PRDM16: variants seen among roughly 807,000 people sequenced by gnomAD.
The protein encoded by PRDM16 is PR/SET domain 16, also known as histone-lysine N-methyltransferase PRDM16.
In PRDM16, 23 loss-of-function variants were observed where a neutral mutation model predicts 110.6. That is an observed-to-expected ratio of 0.21 (90% CI 0.15 to 0.29). The LOEUF (loss-of-function observed/expected upper bound fraction) is 0.29. Among genes scored for constraint, PRDM16 ranks in the 10% least tolerant of loss-of-function variants. The pLI, the probability that PRDM16 is intolerant of heterozygous loss-of-function variation, is 1.00. For missense variants in PRDM16, 1,615 were observed against 1,794.3 expected (o/e 0.90, Z 1.81); for synonymous variants, 799 against 781.8 (o/e 1.02, Z -0.37).
chr1:3,177,790 C>A (rs1211769663), intron 1 of PRDM16, among the ~76,000 whole-genome samples: 2 of 152,218 alleles, frequency 1.3e-5, no homozygotes, highest in Non-Finnish European at 2.9e-5. Flanking sequence ...GTTTTGCCTC[C>A]CTTTGTAATT....
intron 3 of PRDM16, among the ~76,000 whole-genome samples, chr1:3,324,446 A>G (rs1430254758): frequency 2.0e-5 from 3 of 152,200 alleles, no homozygotes; most frequent in East Asian, 1.9e-4. Flanking sequence ...GGCTGGGCTC[A>G]GGGTCCTCGG....
chr1:3,076,746 C>T (rs964634174), intron 1 of PRDM16, among the ~76,000 whole-genome samples: 5 of 152,188 alleles, frequency 3.3e-5, no homozygotes, highest in Non-Finnish European at 5.9e-5. Context: ...TTAGTTTATT[C>T]CCAGAAACCG....
At chr1:3,256,775 T>A (rs1258408990) in intron 3 of PRDM16, among the ~76,000 whole-genome samples, 3 of 152,108 alleles carry the variant, frequency 2.0e-5, no homozygotes, top group African/African-American at 4.8e-5. Flanking sequence ...GAGAATGGCG[T>A]GAACCCAGGA....
intron 9 of PRDM16, among the ~76,000 whole-genome samples, 180 bp downstream of exon 9, chr1:3,412,980 G>A (rs980165485): frequency 3.3e-5 from 5 of 152,196 alleles, no homozygotes; most frequent in Admixed American, 3.3e-4. Context: ...GGGATGCCTG[G>A]CTTGGCTGCT....
At chr1:3,351,605 T>TCC (rs1222030067) in intron 3 of PRDM16, among the ~76,000 whole-genome samples, 9 of 750 alleles carry the variant, frequency 0.012, no homozygotes, top group African/African-American at 0.021. Flanking sequence ...TTCCCCTCCC[T>TCC]CTCTCTCCCC....
chr1:3,347,386 G>A (rs2100526576), intron 3 of PRDM16, among the ~76,000 whole-genome samples: 1 of 152,350 alleles, frequency 6.6e-6, no homozygotes, highest in African/African-American at 2.4e-5. Flanking sequence ...ATTGGCCCAG[G>A]AAGGAGCCCG....
At chr1:3,337,436 T>G (rs1207394996) in intron 3 of PRDM16, among the ~76,000 whole-genome samples, 2 of 152,192 alleles carry the variant, frequency 1.3e-5, no homozygotes, top group Non-Finnish European at 2.9e-5. Context: ...GAGAACAGGT[T>G]TAGCAGGGTT....
chr1:3,313,580 T>G (rs1053445654), intron 3 of PRDM16, among the ~76,000 whole-genome samples: 2 of 152,232 alleles, frequency 1.3e-5, no homozygotes, highest in Non-Finnish European at 2.9e-5. Flanking sequence ...CCTTTGGGCC[T>G]GCTCAAGAGT....
At chr1:3,317,891 C>T (rs1288976117) in intron 3 of PRDM16, among the ~76,000 whole-genome samples, 1 of 152,220 alleles carries the variant, frequency 6.6e-6, no homozygotes, top group Admixed American at 6.5e-5. Context: ...CTTTGTAATG[C>T]ACTAGTTAGT....
At chr1:3,404,982 T>A in intron 7 of PRDM16, 96 bp downstream of exon 7, 1 of 1,375,472 alleles carries the variant, frequency 7.3e-7, no homozygotes, top group African/African-American at 1.5e-5. Context: ...GGTCCAAATG[T>A]AGATGGAGTG....
intron 1 of PRDM16, among the ~76,000 whole-genome samples, chr1:3,077,161 G>A (rs775761809): frequency 6.6e-6 from 1 of 152,248 alleles, no homozygotes; most frequent in Non-Finnish European, 1.5e-5. Flanking sequence ...AAAGCTGAAT[G>A]TTTGGGGCGA....
At chr1:3,194,665 ACATGCCACCG>A (rs1638414450) in intron 2 of PRDM16, among the ~76,000 whole-genome samples, 1 of 146,752 alleles carries the variant, frequency 6.8e-6, no homozygotes, top group Non-Finnish European at 1.5e-5. Flanking sequence ...TCTCCCCGCC[ACATGCCACCG>A]TCTGATCGCC....
chr1:3,187,914 CG>C (rs1176261583), intron 2 of PRDM16, among the ~76,000 whole-genome samples: 1 of 152,198 alleles, frequency 6.6e-6, no homozygotes, highest in African/African-American at 2.4e-5. Context: ...TGCAGCTCTA[CG>C]GGCAGCCCCT....
At chr1:3,191,687 G>A (rs909183863) in intron 2 of PRDM16, among the ~76,000 whole-genome samples, 3 of 152,188 alleles carry the variant, frequency 2.0e-5, no homozygotes, top group African/African-American at 7.2e-5. Flanking sequence ...TTCCTGAGTG[G>A]GAGAAATGAG....
rs565471427 is a variant in PRDM16, at chr1:3,201,507, T to C, written c.387+15033T>C. Reference sequence around the variant, plus strand: ...CACTGGGATATTCCCTCATGAGACCTGGGCCCTTGCAGTCATCAGGAATGA... The same window carrying C: ...CACTGGGATATTCCCTCATGAGACCCGGGCCCTTGCAGTCATCAGGAATGA... On this transcript the variant is annotated intron_variant, in intron 2 of 16. Transcript: ENST00000270722. The surrounding 1 kb of genome is among the most constrained non-coding windows in gnomAD (Gnocchi z 4.1). Among the ~76,000 whole-genome samples, 6 of 152,240 alleles carry C rather than the reference T, an allele frequency of 3.9e-5. No homozygotes were observed. In the South Asian group the frequency reaches 1.2e-3, roughly 32 times the overall value.
At chr1:3,242,823 T>G (rs1387163670) in intron 2 of PRDM16, among the ~76,000 whole-genome samples, 1 of 152,224 alleles carries the variant, frequency 6.6e-6, no homozygotes, top group Non-Finnish European at 1.5e-5. Context: ...CATTTTCTCG[T>G]TTTATTTTTC....
intron 1 of PRDM16, among the ~76,000 whole-genome samples, chr1:3,090,454 C>T (rs944434125): frequency 3.3e-5 from 5 of 152,362 alleles, no homozygotes; most frequent in African/African-American, 7.2e-5. Context: ...GCACACAGGC[C>T]GGGCGACTGG....
At chr1:3,323,081 GTGCC>G (rs1641798778) in intron 3 of PRDM16, among the ~76,000 whole-genome samples, 1 of 152,200 alleles carries the variant, frequency 6.6e-6, no homozygotes, top group Non-Finnish European at 1.5e-5. Flanking sequence ...TGTTGCCTTT[GTGCC>G]TGTCGCTAGT....
chr1:3,400,588 G>A (rs74048429), intron 5 of PRDM16, among the ~76,000 whole-genome samples: 5,448 of 152,272 alleles, frequency 0.036, 287 homozygotes, highest in African/African-American at 0.12. Flanking sequence ...AGCCTTCCCC[G>A]GAGAGGTTTG....
Sources: gnomAD v4.1 joint callset for allele counts (sites outside exome capture counted in the v4.1 genomes callset) on GRCh38, gnomAD v4.1.1 for gene constraint, Gnocchi (gnomAD v3.1) non-coding constraint, MANE v1.5 for transcripts, NCBI Gene and HGNC (gene_info 2026-07-23, HGNC 2026-07-21) for gene names.